Variants in AFAP1 observed in about 807,000 individuals in gnomAD.
The protein encoded by AFAP1 is actin filament-associated protein 1.
A neutral mutation model predicts 93.9 loss-of-function variants in AFAP1; 75 were observed. The observed-to-expected ratio is 0.80, with a 90% CI of 0.66 to 0.97. AFAP1 has a LOEUF of 0.97. Among genes scored for constraint, AFAP1 ranks in the 50% least tolerant of loss-of-function variants. The pLI is 0.00. For missense variants in AFAP1, 1,201 were observed against 1,050.8 expected, an observed-to-expected ratio of 1.14 and a Z score of -1.98; for synonymous variants, 517 against 430.7, an observed-to-expected ratio of 1.20 and a Z score of -2.48.
rs1480130236 is a variant in AFAP1 at position 7,822,608 on chromosome 4, A to T, written c.727-3437T>A. On this transcript the variant is annotated intron_variant, in intron 6 of 17. Transcript: ENST00000420658. Reference sequence around the variant, plus strand: ...TTTCTTTTTTTTTTTTTTTTGAGACAGAGTCTCGCTCTGTCGCCCAGGCTG... The same window carrying T: ...TTTCTTTTTTTTTTTTTTTTGAGACTGAGTCTCGCTCTGTCGCCCAGGCTG... 1.1e-4 allele frequency among the ~76,000 whole-genome samples: 15 copies of T among 140,796 alleles called. No individual in the cohort carries two copies. The Admixed American group carries it at 1.1e-3, about 10-fold the overall frequency. The allele number at this position is 140,796 out of a possible 152,430, so 92.4% of individuals were successfully genotyped here. A position where few individuals can be genotyped will look rare whatever the true frequency, so the allele number is the denominator to read the frequency against.
intron 11 of AFAP1, among the ~76,000 whole-genome samples, chr4:7,792,015 A>G (rs912144471): frequency 2.6e-5 from 4 of 152,166 alleles, no homozygotes; most frequent in African/African-American, 9.7e-5. Context: ...GCTTAATAGA[A>G]GGTGGCTGGA....
rs1713992696 is a variant in AFAP1, at chr4:7,762,770, G to C, written c.*995C>G. On this transcript the variant is annotated 3_prime_UTR_variant, in exon 18 of 18. Transcript: ENST00000420658. ...CTGGAATTCCTGCCTCTTGCTCTAAGGTGTTATAGTTCCATGAGCGAACAA... is the reference window on the plus strand; with the variant it reads ...CTGGAATTCCTGCCTCTTGCTCTAACGTGTTATAGTTCCATGAGCGAACAA... The C allele has an allele frequency of 3.3e-5, 5 of 152,278 alleles. No homozygotes were observed. The highest frequency in any genetic ancestry group is 3.3e-4 in the Admixed American group (5 of 15,284). The allele number at this position is 152,278 out of a possible 1,614,324, so 9.4% of individuals were successfully genotyped here.
intron 1 of AFAP1, among the ~76,000 whole-genome samples, chr4:7,872,570 G>T (rs1191170732): frequency 2.0e-5 from 3 of 152,222 alleles, no homozygotes; most frequent in African/African-American, 7.2e-5. Context: ...GCCAGATGCC[G>T]AGGCTGGTGT....
chr4:7,861,914 T>A (rs1715748451), intron 3 of AFAP1: 2 of 152,238 alleles, frequency 1.3e-5, no homozygotes, highest in African/African-American at 2.4e-5. Context: ...GAGCCAACGT[T>A]GTCACATAAT....
intron 17 of AFAP1, among the ~76,000 whole-genome samples, chr4:7,768,027 G>C (rs541302929): frequency 6.6e-6 from 1 of 152,238 alleles, no homozygotes; most frequent in Non-Finnish European, 1.5e-5. Context: ...GGTGAGCTGT[G>C]ATGGCACCAC....
chr4:7,843,162 C>T lies in AFAP1; in HGVS notation c.523G>A (p.Val175Ile), dbSNP rs936347149. Residue 175 changes from valine to isoleucine, a missense_variant, in exon 5 of 18, where the codon GTC (valine) becomes ATC (isoleucine). Coordinates refer to ENST00000420658, the MANE Select transcript of AFAP1 (RefSeq NM_001134647.2). ...ACCAGCAGTTTGGTGTCTTTGATGA[C>T]GCAGAGCAACTTGGTCCACTGGCCG... The part of the protein sequence containing the change: ...RFGQWTKLLC[V>I]IKDTKLLCYK... 16 of 1,614,146 alleles carry T rather than the reference C, an allele frequency of 9.9e-6. No homozygotes were observed. The highest frequency in any genetic ancestry group is 4.5e-5 in the East Asian group (2 of 44,880).
rs771931905 is a variant in AFAP1, at chr4:7,800,556, C to A, written c.1152G>T (p.Lys384Asn). ...GGAGCGGAATAGACACAATATGGGT[C>A]TTCAGGTCGGTCCTGTCCTTGTGGA... ...LIFHKDRTDLKTHIVSIPLRG... is the reference protein window; with the variant it reads ...LIFHKDRTDLNTHIVSIPLRG... Residue 384 changes from lysine (K) to asparagine (N), a missense_variant, in exon 10 of 18, where the codon AAG (lysine) becomes AAT (asparagine). Coordinates refer to ENST00000420658, the MANE Select transcript of AFAP1 (RefSeq NM_001134647.2). 9.9e-6 allele frequency: 16 copies of A among 1,614,078 alleles called. No individual in the cohort carries two copies. Among genetic ancestry groups the A allele is most frequent in the Admixed American group, 6.7e-5 (4 of 60,008 alleles).
chr4:7,914,991 C>T (rs1048592989), intron 1 of AFAP1, among the ~76,000 whole-genome samples: 30 of 152,146 alleles, frequency 2.0e-4, no homozygotes, highest in Non-Finnish European at 1.5e-5. Flanking sequence ...TCAAATGATC[C>T]GCCCACTTCA....
chr4:7,804,033 G>C (rs937047757), intron 9 of AFAP1, among the ~76,000 whole-genome samples: 1 of 152,186 alleles, frequency 6.6e-6, no homozygotes, highest in Non-Finnish European at 1.5e-5. Context: ...AAGAGGCCAC[G>C]AAGGAAATGG....
chr4:7,891,151 A>G (rs1384116306), intron 1 of AFAP1, among the ~76,000 whole-genome samples: 2 of 152,260 alleles, frequency 1.3e-5, no homozygotes, highest in African/African-American at 4.8e-5. Context: ...AAAGCCATGC[A>G]AAAGAAGCTA....
At chr4:7,907,583 T>C (rs1289821102) in intron 1 of AFAP1, among the ~76,000 whole-genome samples, 2 of 152,118 alleles carry the variant, frequency 1.3e-5, no homozygotes, top group African/African-American at 2.4e-5. Context: ...CCAGCACCCA[T>C]ACAGGACCAG....
chr4:7,881,662 A>G (rs759138046), intron 1 of AFAP1, among the ~76,000 whole-genome samples: 1 of 152,186 alleles, frequency 6.6e-6, no homozygotes, highest in Non-Finnish European at 1.5e-5. Context: ...ACACGCCTGT[A>G]GTCCCAGCTA....
At chr4:7,912,453 C>T (rs980685324) in intron 1 of AFAP1, among the ~76,000 whole-genome samples, 1 of 152,252 alleles carries the variant, frequency 6.6e-6, no homozygotes, top group Non-Finnish European at 1.5e-5. Context: ...CCTGCATCCT[C>T]ACCAGCATTT....
At chr4:7,841,922 A>C (rs1344624581) in intron 5 of AFAP1, among the ~76,000 whole-genome samples, 3 of 151,980 alleles carry the variant, frequency 2.0e-5, no homozygotes, top group Non-Finnish European at 4.4e-5. Flanking sequence ...GGGGAGAGGG[A>C]CCAGGGACTC....
chr4:7,925,845 CA>C (rs369449408), intron 1 of AFAP1, among the ~76,000 whole-genome samples: 73 of 144,550 alleles, frequency 5.1e-4, no homozygotes, highest in Non-Finnish European at 4.0e-4. Context: ...AACTCTGTCT[CA>C]AAAAAAAAAA....
chr4:7,902,954 T>C (rs1719198856), intron 1 of AFAP1, among the ~76,000 whole-genome samples: 1 of 152,238 alleles, frequency 6.6e-6, no homozygotes, highest in Admixed American at 6.5e-5. Flanking sequence ...ACTTGGCTGA[T>C]TTCCTGAAGA....
At chr4:7,814,537 G>C (rs534478860) in intron 8 of AFAP1, among the ~76,000 whole-genome samples, 1 of 152,216 alleles carries the variant, frequency 6.6e-6, no homozygotes, top group East Asian at 1.9e-4. Flanking sequence ...TTCAAGAGGT[G>C]AATGGGCTGA....
intron 4 of AFAP1, among the ~76,000 whole-genome samples, chr4:7,853,703 C>A (rs1488055407): frequency 1.3e-5 from 2 of 152,192 alleles, no homozygotes; most frequent in African/African-American, 4.8e-5. Context: ...GCAGGTTTCA[C>A]AAAACCATCT....
chr4:7,917,777 C>T (rs1720164615), intron 1 of AFAP1, among the ~76,000 whole-genome samples: 1 of 152,172 alleles, frequency 6.6e-6, no homozygotes. Flanking sequence ...CCAAACTCCT[C>T]TGGTTCTGTG....
Sources: gnomAD v4.1 joint callset for allele counts (sites outside exome capture counted in the v4.1 genomes callset) on GRCh38, gnomAD v4.1.1 for gene constraint, MANE v1.5 for transcripts, NCBI Gene and HGNC (gene_info 2026-07-23, HGNC 2026-07-21) for gene names.